The following ARFGEF1 variants were observed in gnomAD, a reference collection of about 807,000 sequenced individuals.
The protein encoded by ARFGEF1 is brefeldin A-inhibited guanine nucleotide-exchange protein 1.
In ARFGEF1, 42 loss-of-function variants were observed where a neutral mutation model predicts 231.0. That is an observed-to-expected ratio of 0.18 (90% CI 0.14 to 0.24). ARFGEF1 has a LOEUF of 0.24. Ranked by LOEUF, ARFGEF1 falls within the 10% of genes least tolerant of loss-of-function variation. The pLI is 1.00. For missense variants in ARFGEF1, 1,345 were observed against 2,192.0 expected (o/e 0.61, Z 7.72); for synonymous variants, 710 against 732.3 (o/e 0.97, Z 0.49).
rs553456979 is a variant in ARFGEF1, at chr8:67,227,749, T to C, written c.3592-151A>G. 20 of 945,692 alleles carry C rather than the reference T, an allele frequency of 2.1e-5. No homozygotes were observed. The East Asian group carries it at 4.9e-4, about 23-fold the overall frequency. The allele number at this position is 945,692 out of a possible 1,614,324, so 58.6% of individuals were successfully genotyped here. A position where few individuals can be genotyped will look rare whatever the true frequency, so the allele number is the denominator to read the frequency against. On this transcript the variant is annotated intron_variant, in intron 25 of 38. Transcript: ENST00000262215. The stretch of plus-strand genomic sequence containing the variant: ...AGGCATTAAGTATGCTAAAACTATT[T>C]CTCAACAAGAAAAACAGATATTTTA...
At chr8:67,298,154 C>T (rs1806320698) in intron 4 of ARFGEF1, among the ~76,000 whole-genome samples, 1 of 151,274 alleles carries the variant, frequency 6.6e-6, no homozygotes, top group Admixed American at 6.6e-5. Context: ...GAAGTAAACA[C>T]AACTATAAAA....
chr8:67,333,451 T>C lies in ARFGEF1; in HGVS notation c.124+9713A>G, dbSNP rs1016141211. The stretch of plus-strand genomic sequence containing the variant: ...CCACCTCATCCTCCCAAGTAGCTTG[T>C]GCACACCACCACACCCAGTAATTTT... On this transcript the variant is annotated intron_variant, in intron 1 of 38. Transcript: ENST00000262215. Among the ~76,000 whole-genome samples the C allele has an allele frequency of 4.6e-5, 7 of 151,798 alleles. No homozygotes were observed. In the East Asian group the frequency reaches 1.4e-3, roughly 29 times the overall value.
chr8:67,320,218 T>C (rs1587311538), intron 1 of ARFGEF1, among the ~76,000 whole-genome samples: 1 of 71,224 alleles, frequency 1.4e-5, no homozygotes, highest in Non-Finnish European at 2.4e-5. Context: ...AGCAAAACGC[T>C]ATCTCAAAAA....
intron 7 of ARFGEF1, 113 bp from the exon 8 acceptor site, chr8:67,277,570 A>G (rs1805364956): frequency 1.3e-5 from 12 of 922,110 alleles, no homozygotes; most frequent in Non-Finnish European, 1.6e-5. Flanking sequence ...GTGAAGTAAA[A>G]TATGTATTGG....
chr8:67,185,372 T>C (rs554456474), intron 5 of ARFGEF1, among the ~76,000 whole-genome samples: 69 of 152,308 alleles, frequency 4.5e-4, no homozygotes, highest in African/African-American at 1.6e-3. Context: ...GCACCAGTTA[T>C]CTTAAAGAAC....
At chr8:67,278,635 C>CAGG (rs1012498495) in intron 7 of ARFGEF1, among the ~76,000 whole-genome samples, 1 of 152,042 alleles carries the variant, frequency 6.6e-6, no homozygotes, top group African/African-American at 2.4e-5. Flanking sequence ...ATCACGAGGT[C>CAGG]AGGAGTTCGA....
At position 67,296,439 on chromosome 8, in the gene ARFGEF1, T is replaced by G; in HGVS notation, c.631A>C (p.Asn211His). ...MLNVIFARME[N>H]QALQEAKQME... The stretch of plus-strand genomic sequence containing the variant: ...CTTCTTAAAATACTTACTGCTTGGT[T>G]TTCCATGCGTGCAAAGATAACATTT... Residue 211 changes from asparagine (N) to histidine (H), a missense_variant, in exon 5 of 39, where the codon AAC becomes CAC. Transcript: ENST00000262215. 1.2e-6 allele frequency: 2 copies of G among 1,613,848 alleles called. No individual in the cohort carries two copies. The highest frequency in any genetic ancestry group is 1.7e-6 in the Non-Finnish European group (2 of 1,179,854).
intron 23 of ARFGEF1, among the ~76,000 whole-genome samples, chr8:67,231,155 T>TA (rs1044889152): frequency 7.2e-5 from 11 of 152,174 alleles, no homozygotes; most frequent in African/African-American, 2.6e-4. Context: ...CTGAGTTGGG[T>TA]AATGGACCAA....
At chr8:67,175,452 T>TGCTGTGTCAAATAGTATCAGCAC (rs1218495459), downstream of ARFGEF1, 1 of 1,613,960 alleles carries the variant, frequency 6.2e-7, no homozygotes, top group Admixed American at 1.7e-5. Flanking sequence ...AAATAATCAT[T>TGCTGTGTCAAATAGTATCAGCAC]GCTGTGTCAA....
intron 1 of ARFGEF1, among the ~76,000 whole-genome samples, chr8:67,336,182 T>TA (rs1304588038): frequency 6.6e-6 from 1 of 152,358 alleles, no homozygotes; most frequent in African/African-American, 2.4e-5. Context: ...TAAATATTCT[T>TA]AAATACTTGA....
intron 25 of ARFGEF1, 25 bp from the exon 26 acceptor site, chr8:67,227,623 A>G (rs1402608969): frequency 6.2e-7 from 1 of 1,601,828 alleles, no homozygotes; most frequent in African/African-American, 1.3e-5. Context: ...GAAATAAACG[A>G]TGCTAATTAA....
downstream of ARFGEF1, chr8:67,195,724 T>A: frequency 1.5e-6 from 1 of 667,550 alleles, no homozygotes; most frequent in Admixed American, 2.9e-5. Context: ...ATAAAATTAT[T>A]TTTATCATGA....
At chr8:67,216,405 T>C (rs1452155233) in intron 33 of ARFGEF1, among the ~76,000 whole-genome samples, 185 bp downstream of exon 33, 6 of 152,090 alleles carry the variant, frequency 3.9e-5, no homozygotes, top group South Asian at 2.1e-4. Context: ...CACCAGACAC[T>C]TGATCATACA....
rs1839441674 is a variant in ARFGEF1 at position 67,228,220 on chromosome 8, T to G, written c.3421+4A>C. 1 of 1,610,950 alleles carries G rather than the reference T, an allele frequency of 6.2e-7. No individual in the cohort carries two copies. The highest frequency in any genetic ancestry group is 1.3e-5 in the African/African-American group (1 of 74,736). On this transcript the variant is annotated splice_donor_region_variant and intron_variant, in intron 24 of 38. Coordinates refer to ENST00000262215, the MANE Select transcript of ARFGEF1 (RefSeq NM_006421.5). ...TCCGAAGTAGAATAAATGCCCATACTTACCAATGGCATTTCCATCTAGCCT... is the reference window on the plus strand; with the variant it reads ...TCCGAAGTAGAATAAATGCCCATACGTACCAATGGCATTTCCATCTAGCCT...
chr8:67,277,820 T>C (rs529438278), intron 7 of ARFGEF1, among the ~76,000 whole-genome samples: 1 of 152,308 alleles, frequency 6.6e-6, no homozygotes, highest in South Asian at 2.1e-4. Context: ...CATTGTCAAA[T>C]TAGTTCAGGA....
intron 14 of ARFGEF1, among the ~76,000 whole-genome samples, chr8:67,261,284 T>TGA: frequency 6.6e-6 from 1 of 152,346 alleles, no homozygotes; most frequent in East Asian, 1.9e-4. Context: ...GAGGAGAAGT[T>TGA]AATGCCTGGC....
intron 1 of ARFGEF1, among the ~76,000 whole-genome samples, chr8:67,333,980 T>C (rs1265259525): frequency 6.6e-6 from 1 of 151,654 alleles, no homozygotes; most frequent in African/African-American, 2.4e-5. Context: ...CTACTAAAAA[T>C]ACAAAATTAG....
intron 13 of ARFGEF1, 66 bp from the exon 14 acceptor site, chr8:67,266,273 C>T (rs1804846679): frequency 1.5e-6 from 2 of 1,322,676 alleles, no homozygotes; most frequent in African/African-American, 1.5e-5. Context: ...TAAGGGCAAA[C>T]AAATTCTTGA....
At chr8:67,203,680 G>T (rs1838413062) in intron 35 of ARFGEF1, among the ~76,000 whole-genome samples, 1 of 152,256 alleles carries the variant, frequency 6.6e-6, no homozygotes, top group African/African-American at 2.4e-5. Context: ...GCCCTTGGCA[G>T]ACCTTGGCCT....
Sources: allele counts gnomAD v4.1 joint callset (sites outside exome capture counted in the v4.1 genomes callset), GRCh38; gene constraint gnomAD v4.1.1; transcripts MANE v1.5; gene names NCBI Gene and HGNC (gene_info 2026-07-23, HGNC 2026-07-21).